Variants in CEP128 observed in about 807,000 individuals in gnomAD.
The protein encoded by CEP128 is centrosomal protein 128kDa.
A neutral mutation model predicts 156.7 loss-of-function variants in CEP128; 132 were observed. The observed-to-expected ratio is 0.84, with a 90% CI of 0.73 to 0.97. The LOEUF is 0.97. Among genes scored for constraint, CEP128 ranks in the 50% least tolerant of loss-of-function variants. The probability of loss-of-function intolerance (pLI) is 0.00; values close to 1 mark genes in which losing one functional copy is unlikely to be tolerated. For missense variants in CEP128, 1,252 were observed against 1,281.9 expected, an observed-to-expected ratio of 0.98 and a Z score of 0.36; for synonymous variants, 469 against 448.9, an observed-to-expected ratio of 1.04 and a Z score of -0.57.
chr14:80,795,078 C>T (rs1295125231), intron 13 of CEP128, among the ~76,000 whole-genome samples: 1 of 152,176 alleles, frequency 6.6e-6, no homozygotes. Context: ...CAAGATCACA[C>T]AGCTAATAAG....
At chr14:80,485,747 G>A (rs1332738606), downstream of CEP128, among the ~76,000 whole-genome samples, 1 of 152,172 alleles carries the variant, frequency 6.6e-6, no homozygotes, top group Non-Finnish European at 1.5e-5. Flanking sequence ...GGGAAATAAT[G>A]TTTTCTCGAG....
chr14:80,907,955 G>A (rs972272240), intron 4 of CEP128, among the ~76,000 whole-genome samples: 1 of 152,022 alleles, frequency 6.6e-6, no homozygotes, highest in Non-Finnish European at 1.5e-5. Flanking sequence ...GAAATAAAAC[G>A]TAAAATCAGC....
chr14:80,668,403 C>T (rs957109704), intron 19 of CEP128, among the ~76,000 whole-genome samples: 4 of 151,656 alleles, frequency 2.6e-5, no homozygotes, highest in African/African-American at 9.7e-5. Context: ...AAATAGAAAA[C>T]TATTGAAATA....
At chr14:80,739,469 T>C (rs1898695582) in intron 19 of CEP128, among the ~76,000 whole-genome samples, 1 of 152,142 alleles carries the variant, frequency 6.6e-6, no homozygotes, top group South Asian at 2.1e-4. Context: ...CTATACCAGC[T>C]AAACTTCCAC....
At chr14:80,509,090 A>G (rs1178954571) in intron 23 of CEP128, among the ~76,000 whole-genome samples, 1 of 152,166 alleles carries the variant, frequency 6.6e-6, no homozygotes, top group Non-Finnish European at 1.5e-5. Flanking sequence ...CTCCCTCACT[A>G]TCACAAGAAC....
chr14:80,652,863 C>T (rs1293741581), intron 19 of CEP128, among the ~76,000 whole-genome samples: 4 of 152,184 alleles, frequency 2.6e-5, no homozygotes, highest in African/African-American at 9.7e-5. Context: ...GATTATAAAT[C>T]ATTCTACTAT....
intron 19 of CEP128, among the ~76,000 whole-genome samples, chr14:80,610,040 T>C (rs1892935256): frequency 6.6e-6 from 1 of 152,200 alleles, no homozygotes; most frequent in Admixed American, 6.5e-5. Context: ...TGTGCATGCA[T>C]ACAGTCATCT....
intron 2 of CEP128, among the ~76,000 whole-genome samples, chr14:80,933,983 T>C (rs915129151): frequency 6.6e-6 from 1 of 152,180 alleles, no homozygotes; most frequent in Non-Finnish European, 1.5e-5. Context: ...GGAGGTCCGA[T>C]ATACAAGAAA....
At chr14:80,900,580 G>C (rs1317008708) in intron 6 of CEP128, among the ~76,000 whole-genome samples, 1 of 152,152 alleles carries the variant, frequency 6.6e-6, no homozygotes, top group African/African-American at 2.4e-5. Context: ...CCATGTACAA[G>C]AAAGTATGGT....
At chr14:80,940,514 T>TA (rs200685618) in intron 1 of CEP128, among the ~76,000 whole-genome samples, 2 of 86,286 alleles carry the variant, frequency 2.3e-5, no homozygotes, top group South Asian at 6.5e-4. Flanking sequence ...ACTTAAAATA[T>TA]TTTTTTTTTT....
intron 19 of CEP128, among the ~76,000 whole-genome samples, chr14:80,620,133 C>CA (rs1433246933): frequency 2.0e-5 from 3 of 151,778 alleles, no homozygotes; most frequent in Admixed American, 6.6e-5. Context: ...CTTAAAAAAA[C>CA]AAAAAACAAA....
chr14:80,888,392 G>A (rs1037036333), intron 8 of CEP128, among the ~76,000 whole-genome samples: 3 of 152,134 alleles, frequency 2.0e-5, no homozygotes, highest in African/African-American at 7.2e-5. Context: ...TAAAATACTG[G>A]CAAACCAAAC....
intron 19 of CEP128, among the ~76,000 whole-genome samples, chr14:80,598,080 G>C (rs996174331): frequency 1.9e-4 from 29 of 150,384 alleles, no homozygotes; most frequent in Non-Finnish European, 1.8e-4. Flanking sequence ...ATTCATCATA[G>C]TACAGGAAGT....
intron 19 of CEP128, among the ~76,000 whole-genome samples, chr14:80,612,950 C>T (rs1893052976): frequency 6.6e-6 from 1 of 151,858 alleles, no homozygotes; most frequent in African/African-American, 2.4e-5. Flanking sequence ...AAGCAATTCT[C>T]CTGCCTCAGC....
intron 19 of CEP128, among the ~76,000 whole-genome samples, chr14:80,612,672 G>A (rs961825749): frequency 1.3e-5 from 2 of 152,154 alleles, no homozygotes; most frequent in Admixed American, 1.3e-4. Context: ...AGGGAAAATA[G>A]AGTTAGCAAT....
intron 19 of CEP128, among the ~76,000 whole-genome samples, chr14:80,719,812 T>C (rs533100245): frequency 1.8e-4 from 28 of 152,336 alleles, no homozygotes; most frequent in African/African-American, 6.7e-4. Context: ...GACAAGTATT[T>C]GTTTTCAACA....
intron 19 of CEP128, among the ~76,000 whole-genome samples, chr14:80,627,721 TTTAA>T (rs976999589): frequency 1.0e-4 from 15 of 144,926 alleles, no homozygotes; most frequent in African/African-American, 3.2e-4. Flanking sequence ...CATTTTTATT[TTTAA>T]TTAATTATTA....
intron 19 of CEP128, among the ~76,000 whole-genome samples, chr14:80,735,087 T>C (rs1040640689): frequency 6.6e-6 from 1 of 152,164 alleles, no homozygotes; most frequent in African/African-American, 2.4e-5. Flanking sequence ...TCTTGGTGCC[T>C]AGGACACTAT....
chr14:80,901,655 C>T (rs1197435477), intron 6 of CEP128, among the ~76,000 whole-genome samples: 1 of 152,140 alleles, frequency 6.6e-6, no homozygotes, highest in Non-Finnish European at 1.5e-5. Flanking sequence ...AACCAGAATC[C>T]GGGGATGCAT....
Sources: gnomAD v4.1 joint callset for allele counts (sites outside exome capture counted in the v4.1 genomes callset) on GRCh38, gnomAD v4.1.1 for gene constraint, MANE v1.5 for transcripts, NCBI Gene and HGNC (gene_info 2026-07-23, HGNC 2026-07-21) for gene names.